The following PCSK5 variants were observed in gnomAD, a reference collection of about 807,000 sequenced individuals.
The protein encoded by PCSK5 is proprotein convertase subtilisin/kexin type 5, also known as prohormone convertase 5.
In PCSK5, 129 loss-of-function variants were observed where a neutral mutation model predicts 233.2. The observed-to-expected ratio is 0.55, with a 90% CI of 0.48 to 0.64. The LOEUF is 0.64. Among genes scored for constraint, PCSK5 ranks in the 30% least tolerant of loss-of-function variants. The pLI is 0.00. For synonymous variants in PCSK5, 825 were observed against 879.2 expected (o/e 0.94, Z 1.09); for missense variants, 2,076 against 2,430.1 (o/e 0.85, Z 3.06).
intron 20 of PCSK5, chr9:76,195,828 G>C (rs1161678990): frequency 6.6e-6 from 1 of 152,060 alleles, no homozygotes; most frequent in Non-Finnish European, 1.5e-5. Flanking sequence ...ACTGATACTG[G>C]CCAAAATCAA....
intron 35 of PCSK5, among the ~76,000 whole-genome samples, chr9:76,342,793 C>T (rs1237441756): frequency 1.3e-5 from 2 of 152,082 alleles, no homozygotes; most frequent in African/African-American, 4.8e-5. Context: ...TTCTGTGCTC[C>T]CTATTGGGAT....
chr9:76,138,183 T>A (rs1281077126), intron 10 of PCSK5, among the ~76,000 whole-genome samples: 1 of 152,114 alleles, frequency 6.6e-6, no homozygotes, highest in Non-Finnish European at 1.5e-5. Context: ...TAATCTGACC[T>A]GCCCTGGTGT....
At chr9:75,953,318 T>C (rs1481063560) in intron 2 of PCSK5, among the ~76,000 whole-genome samples, 1 of 152,010 alleles carries the variant, frequency 6.6e-6, no homozygotes, top group Non-Finnish European at 1.5e-5. Flanking sequence ...GGAAAAGAGA[T>C]AGGGAGGAGG....
chr9:76,294,311 G>C (rs1587843429), intron 25 of PCSK5, among the ~76,000 whole-genome samples: 1 of 152,156 alleles, frequency 6.6e-6, no homozygotes, highest in East Asian at 1.9e-4. Context: ...TCCTCCTTCA[G>C]GTAAGCCTGC....
Position 76,011,920 on chromosome 9 carries a change from A to C in PCSK5, c.412-11818A>C, listed in dbSNP as rs550338942. Among the ~76,000 whole-genome samples the C allele has an allele frequency of 3.3e-4, 50 of 152,316 alleles. No homozygotes were observed. In the South Asian group the frequency reaches 0.01, roughly 32 times the overall value. On this transcript the variant is annotated intron_variant, in intron 3 of 37. Coordinates refer to ENST00000674117, the MANE Select transcript of PCSK5 (RefSeq NM_001372043.1). ...TTAATAACACATTTCCCTTAATGTCATGCAAGGTCTTTTTTTTATTTCCTT... is the reference window on the plus strand; with the variant it reads ...TTAATAACACATTTCCCTTAATGTCCTGCAAGGTCTTTTTTTTATTTCCTT...
At chr9:76,353,703 C>T (rs1830225094) in intron 36 of PCSK5, among the ~76,000 whole-genome samples, 1 of 152,196 alleles carries the variant, frequency 6.6e-6, no homozygotes, top group Non-Finnish European at 1.5e-5. Context: ...AACTGAAAGT[C>T]AACAGTGTGG....
At chr9:76,093,636 G>C (rs534722525) in intron 7 of PCSK5, among the ~76,000 whole-genome samples, 3 of 152,000 alleles carry the variant, frequency 2.0e-5, no homozygotes, top group African/African-American at 7.2e-5. Flanking sequence ...ATTGCATTGT[G>C]AGTCTTTGTC....
intron 3 of PCSK5, among the ~76,000 whole-genome samples, chr9:75,991,890 C>G (rs975693711): frequency 2.0e-5 from 3 of 151,934 alleles, no homozygotes; most frequent in African/African-American, 7.3e-5. Flanking sequence ...TTCAAGACAG[C>G]CTAGGCAACA....
At chr9:76,338,166 T>C in intron 34 of PCSK5, 64 bp from the exon 35 acceptor site, 2 of 1,204,680 alleles carry the variant, frequency 1.7e-6, no homozygotes, top group East Asian at 2.5e-5. Context: ...CACCATGTTT[T>C]TCCACTGCAT....
chr9:76,181,435 G>T lies in PCSK5; in HGVS notation c.2041G>T (p.Ala681Ser). 2 of 1,613,928 alleles carry T rather than the reference G, an allele frequency of 1.2e-6. No individual in the cohort carries two copies. The highest frequency in any genetic ancestry group is 1.7e-6 in the Non-Finnish European group (2 of 1,179,898). Residue 681 changes from alanine to serine, a missense_variant, in exon 16 of 38, where the codon GCC becomes TCC. Transcript: ENST00000674117. ...CAGCTGCCCCCCTGGCCACTACCACGCCGACAAGAAGCGCTGCAGGAAGTG... is the reference window on the plus strand; with the variant it reads ...CAGCTGCCCCCCTGGCCACTACCACTCCGACAAGAAGCGCTGCAGGAAGTG... ...VSSCPPGHYH[A>S]DKKRCRKCAP...
intron 30 of PCSK5, among the ~76,000 whole-genome samples, chr9:76,313,766 C>G (rs1290281296): frequency 6.6e-6 from 1 of 152,146 alleles, no homozygotes; most frequent in Non-Finnish European, 1.5e-5. Context: ...TCATCCCCAG[C>G]TGGGTATTTG....
At chr9:75,994,946 T>A (rs138632788) in intron 3 of PCSK5, among the ~76,000 whole-genome samples, 1 of 152,350 alleles carries the variant, frequency 6.6e-6, no homozygotes, top group East Asian at 1.9e-4. Context: ...TGCTCACCTC[T>A]CCAAACATCT....
At chr9:76,160,274 C>T (rs1405158232) in intron 12 of PCSK5, among the ~76,000 whole-genome samples, 1 of 152,170 alleles carries the variant, frequency 6.6e-6, no homozygotes, top group Non-Finnish European at 1.5e-5. Context: ...TGTTCTATCA[C>T]TCATTTTCTT....
intron 13 of PCSK5, among the ~76,000 whole-genome samples, chr9:76,173,621 T>A (rs1175855115): frequency 6.7e-6 from 1 of 149,392 alleles, no homozygotes; most frequent in Non-Finnish European, 1.5e-5. Flanking sequence ...TTGTAAGTGA[T>A]CCAGACTCAT....
At chr9:75,984,669 A>G (rs1034720696) in intron 2 of PCSK5, among the ~76,000 whole-genome samples, 2 of 152,266 alleles carry the variant, frequency 1.3e-5, no homozygotes, top group Middle Eastern at 3.4e-3. Context: ...GAATTGTGGA[A>G]TACTTGTTAC....
chr9:76,069,213 C>T (rs1036844553), intron 6 of PCSK5, among the ~76,000 whole-genome samples: 7 of 152,074 alleles, frequency 4.6e-5, no homozygotes, highest in African/African-American at 1.2e-4. Context: ...AAAAATTCTT[C>T]GTTCCCTGAA....
At chr9:76,084,503 A>G (rs1324441807) in intron 7 of PCSK5, among the ~76,000 whole-genome samples, 1 of 152,218 alleles carries the variant, frequency 6.6e-6, no homozygotes, top group South Asian at 2.1e-4. Flanking sequence ...TTAATCAGTT[A>G]TCAATAACAG....
rs966432521 is a variant in PCSK5 at position 76,186,642 on chromosome 9, C to T, written c.2282+1885C>T. The stretch of plus-strand genomic sequence containing the variant: ...ACACGTCCCCCTTACCTCATTCCTT[C>T]TCCATACAGTGCAACCTCTGTGTCC... On this transcript the variant is annotated intron_variant, in intron 17 of 37. Coordinates refer to ENST00000674117, the MANE Select transcript of PCSK5 (RefSeq NM_001372043.1). Among the ~76,000 whole-genome samples the T allele has an allele frequency of 8.5e-5, 13 of 152,274 alleles. No homozygotes were observed. In the East Asian group the frequency reaches 2.3e-3, roughly 27 times the overall value.
At chr9:76,177,950 AT>A (rs34069752) in intron 14 of PCSK5, among the ~76,000 whole-genome samples, 53,929 of 149,538 alleles carry the variant, frequency 0.36, 9,792 homozygotes, top group Middle Eastern at 0.43. Flanking sequence ...AATGTTTGGG[AT>A]TTTTTTTTTT....
Sources: gnomAD v4.1 joint callset for allele counts (sites outside exome capture counted in the v4.1 genomes callset) on GRCh38, gnomAD v4.1.1 for gene constraint, MANE v1.5 for transcripts, NCBI Gene and HGNC (gene_info 2026-07-23, HGNC 2026-07-21) for gene names.